Variants in SIMC1 observed in about 807,000 individuals in gnomAD.
SIMC1 encodes the protein SUMO interacting motifs containing 1.
In SIMC1, 55 loss-of-function variants were observed where a neutral mutation model predicts 82.3. That is an observed-to-expected ratio of 0.67 (90% CI 0.54 to 0.84). SIMC1 has a LOEUF of 0.84. SIMC1 is among the 40% of genes least tolerant of loss of function. The pLI is 0.00. For synonymous variants in SIMC1, 353 were observed against 426.3 expected (o/e 0.83, Z 2.12); for missense variants, 915 against 1,107.2 (o/e 0.83, Z 2.46).
chr5:176,243,451 T>C (rs1761335079), intron 1 of SIMC1, among the ~76,000 whole-genome samples: 1 of 152,090 alleles, frequency 6.6e-6, no homozygotes, highest in Non-Finnish European at 1.5e-5. Flanking sequence ...AATAAGGGAT[T>C]TGGATTTTAT....
intron 1 of SIMC1, among the ~76,000 whole-genome samples, chr5:176,269,677 T>C (rs577929943): frequency 2.6e-5 from 4 of 152,336 alleles, no homozygotes; most frequent in African/African-American, 9.6e-5. Flanking sequence ...AAATCAGTTT[T>C]ACTCCGATAA....
At chr5:176,268,444 A>G (rs1235373577) in intron 1 of SIMC1, among the ~76,000 whole-genome samples, 2 of 132,666 alleles carry the variant, frequency 1.5e-5, no homozygotes, top group African/African-American at 2.9e-5. Context: ...GACATTCTAC[A>G]TATAAAGATG....
At chr5:176,296,872 G>C (rs189002316) in intron 4 of SIMC1, among the ~76,000 whole-genome samples, 12 of 152,222 alleles carry the variant, frequency 7.9e-5, no homozygotes, top group African/African-American at 2.9e-4. Flanking sequence ...ATAAATTCAT[G>C]GCTATGAAAA....
intron 1 of SIMC1, among the ~76,000 whole-genome samples, chr5:176,271,058 C>T (rs538900742): frequency 2.5e-4 from 38 of 152,098 alleles, no homozygotes; most frequent in Admixed American, 5.2e-4. Flanking sequence ...CTCACAGCAC[C>T]GGGAGGAGAG....
chr5:176,274,811 G>C (rs1433882534), intron 1 of SIMC1, among the ~76,000 whole-genome samples: 1 of 151,738 alleles, frequency 6.6e-6, no homozygotes, highest in African/African-American at 2.4e-5. Flanking sequence ...AGATCAGATG[G>C]TTGTAGATAG....
Position 176,290,867 on chromosome 5 carries a change from C to T in SIMC1, c.1343C>T (p.Pro448Leu). 1.9e-6 allele frequency: 3 copies of T among 1,613,126 alleles called. No homozygotes were observed. The highest frequency in any genetic ancestry group is 1.7e-6 in the Non-Finnish European group (2 of 1,179,480). Residue 448 changes from proline (P) to leucine (L), a missense_variant, in exon 2 of 10, where the codon CCA (proline) becomes CTA (leucine). This residue lies in a region of SIMC1 where 902 missense variants were observed against 1,040.3 expected (regional missense o/e 0.87). Transcript: ENST00000429602. Reference sequence around the variant, plus strand: ...CCACAAGGTGGGTTGTACAACAGACCATGCCTGCATAGACTGAAGTACTTC... The same window carrying T: ...CCACAAGGTGGGTTGTACAACAGACTATGCCTGCATAGACTGAAGTACTTC... Reference protein sequence around the residue: ...RTPQGGLYNRPCLHRLKYFLR... With the variant: ...RTPQGGLYNRLCLHRLKYFLR...
chr5:176,294,694 G>A (rs1164028612), intron 2 of SIMC1, among the ~76,000 whole-genome samples: 1 of 151,360 alleles, frequency 6.6e-6, no homozygotes, highest in Admixed American at 6.6e-5. Context: ...TCGGCGCCGT[G>A]GCTCACACCT....
At chr5:176,250,671 ATAGT>A (rs1178001465) in intron 1 of SIMC1, among the ~76,000 whole-genome samples, 3 of 152,140 alleles carry the variant, frequency 2.0e-5, no homozygotes, top group Non-Finnish European at 2.9e-5. Context: ...TATATTTAGG[ATAGT>A]TAGCGCTTCT....
In SIMC1 at chr5:176,259,339, A is replaced by G. The variant is rs569541865; in HGVS notation, c.129+20702A>G. On this transcript the variant is annotated intron_variant, in intron 1 of 9. Coordinates refer to ENST00000429602, the MANE Select transcript of SIMC1 (RefSeq NM_001308195.2). Reference sequence around the variant, plus strand: ...ATCAGCCAGGCATGGTAGTCCAGCTACTTGGGAGGCTGAGGACTGAGAATC... The same window carrying G: ...ATCAGCCAGGCATGGTAGTCCAGCTGCTTGGGAGGCTGAGGACTGAGAATC... 9.3e-4 allele frequency among the ~76,000 whole-genome samples: 141 copies of G among 152,164 alleles called. No individual in the cohort carries two copies. In the Middle Eastern group the frequency reaches 0.024, roughly 26 times the overall value.
At chr5:176,246,857 G>A (rs1413768098) in intron 1 of SIMC1, among the ~76,000 whole-genome samples, 1 of 151,942 alleles carries the variant, frequency 6.6e-6, no homozygotes, top group Non-Finnish European at 1.5e-5. Flanking sequence ...AGAACATGCA[G>A]TGTTTGGTTT....
chr5:176,259,499 G>T (rs1292527524), intron 1 of SIMC1, among the ~76,000 whole-genome samples: 1 of 151,688 alleles, frequency 6.6e-6, no homozygotes, highest in Non-Finnish European at 1.5e-5. Flanking sequence ...TAGGCCGGGT[G>T]TGGTGGCTCA....
intron 4 of SIMC1, among the ~76,000 whole-genome samples, chr5:176,299,064 C>G (rs775663794): frequency 2.6e-5 from 4 of 152,164 alleles, no homozygotes; most frequent in Admixed American, 2.0e-4. Flanking sequence ...AACTATATGC[C>G]ATCTACAAGA....
rs532398297 is a variant in SIMC1 at position 176,289,700 on chromosome 5, G to A, written c.176G>A (p.Arg59His). Residue 59 changes from arginine to histidine, a missense_variant, in exon 2 of 10, where the codon CGC becomes CAC. Arg to His is a conservative substitution (Grantham distance 29). Coordinates refer to ENST00000429602, the MANE Select transcript of SIMC1 (RefSeq NM_001308195.2). ...TRETRPRTKD[R>H]SGLYVIDLTR... ...GAGACCAGACCAAGGACAAAAGATC[G>A]CAGTGGACTGTATGTGATTGACCTG... 4.4e-5 allele frequency: 71 copies of A among 1,612,570 alleles called. No homozygotes were observed. The South Asian group carries it at 4.4e-4, about 10-fold the overall frequency.
intron 1 of SIMC1, among the ~76,000 whole-genome samples, chr5:176,243,684 C>T (rs1367981222): frequency 6.6e-6 from 1 of 151,978 alleles, no homozygotes; most frequent in Non-Finnish European, 1.5e-5. Flanking sequence ...CCACGCTTGA[C>T]TAATTTTTTG....
chr5:176,291,625 C>T (rs111898035), intron 2 of SIMC1, among the ~76,000 whole-genome samples: 8,611 of 151,778 alleles, frequency 0.057, 329 homozygotes, highest in African/African-American at 0.11. Context: ...CGTGAGCCAC[C>T]GCGCCTGGCA....
intron 1 of SIMC1, among the ~76,000 whole-genome samples, chr5:176,253,969 C>G (rs1291086025): frequency 6.6e-6 from 1 of 151,794 alleles, no homozygotes; most frequent in African/African-American, 2.4e-5. Flanking sequence ...ACTGTGTGGC[C>G]TGTTTTCTTA....
At chr5:176,286,331 C>G (rs142555248) in intron 1 of SIMC1, among the ~76,000 whole-genome samples, 3,160 of 152,298 alleles carry the variant, frequency 0.021, 12 homozygotes, top group Middle Eastern at 0.065. Context: ...GAAATAATAC[C>G]ACACATCTAC....
chr5:176,309,790 A>G (rs1764585058), intron 4 of SIMC1, among the ~76,000 whole-genome samples: 1 of 152,090 alleles, frequency 6.6e-6, no homozygotes, highest in Non-Finnish European at 1.5e-5. Flanking sequence ...TTTTTTAAAA[A>G]ATTAGCTGGG....
At chr5:176,294,203 T>C (rs1439693341) in intron 2 of SIMC1, among the ~76,000 whole-genome samples, 4 of 152,348 alleles carry the variant, frequency 2.6e-5, no homozygotes, top group Admixed American at 1.3e-4. Flanking sequence ...AATCATGTTA[T>C]ATGTACAATT....
Sources: allele counts gnomAD v4.1 joint callset (sites outside exome capture counted in the v4.1 genomes callset), GRCh38; gene constraint gnomAD v4.1.1; regional missense constraint gnomAD v4.1.1; transcripts MANE v1.5; gene names NCBI Gene and HGNC (gene_info 2026-07-23, HGNC 2026-07-21).